GABRG3: variants seen among roughly 807,000 people sequenced by gnomAD.
GABRG3 encodes gamma-aminobutyric acid receptor subunit gamma-3.
Under a neutral mutation model 48.8 loss-of-function variants are expected in GABRG3, and 25 were observed. That is an observed-to-expected ratio of 0.51 (90% CI 0.37 to 0.72). The LOEUF is 0.72. GABRG3 is among the 30% of genes least tolerant of loss of function. GABRG3 has a pLI of 0.00. For missense variants in GABRG3, 394 were observed against 577.9 expected (o/e 0.68, Z 3.26); for synonymous variants, 227 against 217.6 (o/e 1.04, Z -0.38).
At chr15:27,297,319 C>A (rs937315216) in intron 3 of GABRG3, among the ~76,000 whole-genome samples, 21 of 152,044 alleles carry the variant, frequency 1.4e-4, no homozygotes, top group African/African-American at 5.1e-4. Context: ...TACAGTGTTT[C>A]TAAAGTCTAC....
At chr15:27,385,697 C>T (rs1393753465) in intron 5 of GABRG3, among the ~76,000 whole-genome samples, 2 of 152,096 alleles carry the variant, frequency 1.3e-5, no homozygotes, top group East Asian at 3.9e-4. Flanking sequence ...ACTGTCCTTT[C>T]AAATCCAGAA....
intron 3 of GABRG3, among the ~76,000 whole-genome samples, chr15:27,094,085 A>C (rs538508308): frequency 8.0e-4 from 122 of 152,284 alleles, no homozygotes; most frequent in African/African-American, 2.8e-3. Flanking sequence ...AGTTACCCTT[A>C]GTGGTTGCGA....
chr15:27,094,145 C>T (rs1304712287), intron 3 of GABRG3, among the ~76,000 whole-genome samples: 4 of 152,164 alleles, frequency 2.6e-5, no homozygotes, highest in Non-Finnish European at 5.9e-5. Flanking sequence ...GCTGCTTCCA[C>T]GAGTCCTGTC....
At chr15:27,422,390 C>A (rs1207010140) in intron 5 of GABRG3, 2 of 152,260 alleles carry the variant, frequency 1.3e-5, no homozygotes, top group African/African-American at 2.4e-5. Flanking sequence ...TCTGAGGCAT[C>A]CATGCGAGTG....
chr15:27,152,439 T>C (rs1192460991), intron 3 of GABRG3, among the ~76,000 whole-genome samples: 1 of 152,238 alleles, frequency 6.6e-6, no homozygotes, highest in Non-Finnish European at 1.5e-5. Context: ...TTTTTAAAAA[T>C]TTTAAAAAAT....
chr15:27,295,927 G>A (rs1326720538), intron 3 of GABRG3, among the ~76,000 whole-genome samples: 1 of 152,148 alleles, frequency 6.6e-6, no homozygotes, highest in East Asian at 1.9e-4. Flanking sequence ...CTATGAGCTG[G>A]CAATGGGGGA....
At chr15:27,345,863 G>T (rs1397926103) in intron 5 of GABRG3, among the ~76,000 whole-genome samples, 1 of 151,970 alleles carries the variant, frequency 6.6e-6, no homozygotes, top group Admixed American at 6.6e-5. Context: ...AGACCAGCCT[G>T]GCCAATGTGG....
chr15:27,153,194 G>A (rs1898354276), intron 3 of GABRG3, among the ~76,000 whole-genome samples: 1 of 152,152 alleles, frequency 6.6e-6, no homozygotes, highest in Admixed American at 6.5e-5. Flanking sequence ...TCAGGTGTAA[G>A]TCAAGGTTCA....
chr15:27,364,964 T>C (rs1895143202), intron 5 of GABRG3: 1 of 137,366 alleles, frequency 7.3e-6, no homozygotes, highest in Non-Finnish European at 1.6e-5. Context: ...ACAAAGAATT[T>C]TTGTAGACAC....
chr15:27,413,547 G>A (rs1254741551), intron 5 of GABRG3, among the ~76,000 whole-genome samples: 1 of 152,178 alleles, frequency 6.6e-6, no homozygotes, highest in African/African-American at 2.4e-5. Flanking sequence ...TCAAGTTGTG[G>A]TTACAGCTTA....
intron 3 of GABRG3, among the ~76,000 whole-genome samples, chr15:27,140,762 T>C (rs1361068019): frequency 6.6e-6 from 1 of 152,182 alleles, no homozygotes; most frequent in African/African-American, 2.4e-5. Flanking sequence ...TTCATCTTTT[T>C]GAGAATATTA....
intron 1 of GABRG3, 33 bp downstream of exon 1, chr15:26,971,621 C>T (rs1894846055): frequency 1.3e-6 from 2 of 1,518,244 alleles, no homozygotes; most frequent in East Asian, 2.7e-5. Flanking sequence ...CCCCGGAGGC[C>T]CCGAGCTGGG....
At chr15:27,231,693 G>A (rs1457004541) in intron 3 of GABRG3, among the ~76,000 whole-genome samples, 1 of 152,102 alleles carries the variant, frequency 6.6e-6, no homozygotes, top group Non-Finnish European at 1.5e-5. Context: ...TGAAAATAGA[G>A]GATTTAACTT....
chr15:27,088,575 C>G (rs1294158437), intron 3 of GABRG3, among the ~76,000 whole-genome samples: 1 of 152,088 alleles, frequency 6.6e-6, no homozygotes, highest in Non-Finnish European at 1.5e-5. Context: ...GCTCCCAGTT[C>G]CGCAGGCCTA....
At chr15:27,235,691 A>G (rs917940449) in intron 3 of GABRG3, among the ~76,000 whole-genome samples, 3 of 152,192 alleles carry the variant, frequency 2.0e-5, no homozygotes, top group East Asian at 1.9e-4. Context: ...TCCTGTATAC[A>G]TGGGCAATAA....
intron 6 of GABRG3, among the ~76,000 whole-genome samples, chr15:27,484,349 G>A (rs1890170522): frequency 6.6e-6 from 1 of 151,978 alleles, no homozygotes; most frequent in Non-Finnish European, 1.5e-5. Context: ...TAGGCTTACC[G>A]ACACTGAGAA....
At chr15:27,197,901 T>G (rs1888547687) in intron 3 of GABRG3, among the ~76,000 whole-genome samples, 1 of 152,186 alleles carries the variant, frequency 6.6e-6, no homozygotes, top group Admixed American at 6.5e-5. Context: ...TGTGTAGAAG[T>G]GTTTATAGTA....
At chr15:27,351,058 G>A (rs1368252512) in intron 5 of GABRG3, among the ~76,000 whole-genome samples, 1 of 145,822 alleles carries the variant, frequency 6.9e-6, no homozygotes, top group South Asian at 2.1e-4. Context: ...CATATGGTGT[G>A]TGTGTGTGTA....
At chr15:27,493,617 C>T (rs1317537132) in intron 6 of GABRG3, among the ~76,000 whole-genome samples, 1 of 152,050 alleles carries the variant, frequency 6.6e-6, no homozygotes, top group Non-Finnish European at 1.5e-5. Context: ...TTAAGAAAAA[C>T]AATTTTAAAG....
Sources: allele counts gnomAD v4.1 joint callset (sites outside exome capture counted in the v4.1 genomes callset), GRCh38; gene constraint gnomAD v4.1.1; transcripts MANE v1.5; gene names NCBI Gene and HGNC (gene_info 2026-07-23, HGNC 2026-07-21).